TEKT3: variants seen among roughly 807,000 people sequenced by gnomAD.
TEKT3 encodes tektin-3.
TEKT3 carries 49 observed loss-of-function variants against 49.8 expected under a neutral mutation model. The observed-to-expected ratio is 0.98, with a 90% CI of 0.78 to 1.25. TEKT3 has a LOEUF of 1.25. Among genes scored for constraint, TEKT3 ranks in the 50% most tolerant of loss-of-function variants. The pLI, the probability that TEKT3 is intolerant of heterozygous loss-of-function variation, is 0.00. For missense variants in TEKT3, 595 were observed against 629.5 expected, an observed-to-expected ratio of 0.95 and a Z score of 0.59; for synonymous variants, 225 against 237.2, an observed-to-expected ratio of 0.95 and a Z score of 0.47.
chr17:15,321,356 C>G (rs2610065), intron 4 of TEKT3, among the ~76,000 whole-genome samples: 1 of 151,838 alleles, frequency 6.6e-6, no homozygotes. Flanking sequence ...ATGATGAATG[C>G]CAGATGGTTG....
At position 15,331,269 on chromosome 17, in the gene TEKT3, T is replaced by G. The variant is rs777619355; in HGVS notation, c.317A>C (p.Asn106Thr). ...PDDWYRSNLT[N>T]YQESNTSRHN... is the part of the protein sequence containing the mutation. ...TCGGGAAGTGTTGGACTCTTGATAG[T>G]TGGTTAAATTGGACCTGTACCAGTC... Residue 106 changes from asparagine (N) to threonine (T), a missense_variant, in exon 3 of 9, where the codon AAC becomes ACC. By Grantham distance (65) the Asn-to-Thr change is moderately conservative. Coordinates refer to ENST00000395930, the MANE Select transcript of TEKT3 (RefSeq NM_031898.3). The G allele has an allele frequency of 1.2e-5, 19 of 1,614,212 alleles. No homozygotes were observed. In the East Asian group the frequency reaches 4.2e-4, roughly 36 times the overall value.
intron 2 of TEKT3, among the ~76,000 whole-genome samples, chr17:15,336,801 G>C (rs1004886866): frequency 6.6e-6 from 1 of 152,138 alleles, no homozygotes; most frequent in African/African-American, 2.4e-5. Flanking sequence ...AGAATAGCCA[G>C]TTCTCAAAAT....
chr17:15,331,225 T>C lies in TEKT3; in HGVS notation c.361A>G (p.Arg121Gly). ...NTSRHNSEKLRVDTSRLIQDK... is the reference protein window; with the variant it reads ...NTSRHNSEKLGVDTSRLIQDK... ...TGAATCAGGCGAGATGTATCCACTC[T>C]TAGTTTCTCCGAATTATGTCGGGAA... Residue 121 changes from arginine (R) to glycine (G), a missense_variant, in exon 3 of 9, where the codon AGA becomes GGA. By Grantham distance (125) the Arg-to-Gly change is moderately radical. Transcript: ENST00000395930. The C allele has an allele frequency of 6.2e-7, 1 of 1,614,244 alleles. No individual in the cohort carries two copies. The highest frequency in any genetic ancestry group is 8.5e-7 in the Non-Finnish European group (1 of 1,180,040).
At chr17:15,306,470 A>G (rs1910556859) in intron 8 of TEKT3, among the ~76,000 whole-genome samples, 1 of 152,222 alleles carries the variant, frequency 6.6e-6, no homozygotes, top group East Asian at 1.9e-4. Flanking sequence ...GGTTTTGTTC[A>G]AAAGTCAGTA....
intron 2 of TEKT3, among the ~76,000 whole-genome samples, chr17:15,332,711 T>C (rs1001084062): frequency 1.3e-5 from 2 of 152,188 alleles, no homozygotes; most frequent in Non-Finnish European, 2.9e-5. Flanking sequence ...GCTATGTATT[T>C]AGAAGGATTA....
intron 8 of TEKT3, among the ~76,000 whole-genome samples, chr17:15,306,310 A>G (rs551261578): frequency 1.1e-4 from 17 of 152,162 alleles, no homozygotes; most frequent in African/African-American, 4.1e-4. Context: ...CCCTTAGTTT[A>G]TGATCTTTAT....
chr17:15,317,186 A>AG (rs776907967), intron 5 of TEKT3, among the ~76,000 whole-genome samples: 10 of 152,214 alleles, frequency 6.6e-5, no homozygotes. Flanking sequence ...TAAAGGATCA[A>AG]CAACAAAGAT....
At position 15,307,575 on chromosome 17, in the gene TEKT3, A is replaced by C. The variant is rs565394854; in HGVS notation, c.1256+1089T>G. Among the ~76,000 whole-genome samples the C allele has an allele frequency of 3.9e-5, 6 of 152,244 alleles. No homozygotes were observed. The South Asian group carries it at 1.2e-3, about 32-fold the overall frequency. On this transcript the variant is annotated intron_variant, in intron 8 of 8. Coordinates refer to ENST00000395930, the MANE Select transcript of TEKT3 (RefSeq NM_031898.3). ...TTTACTATTATTATCATCATCATCA[A>C]TGTTGGCCTCACAAGATCCCCCTTC...
At chr17:15,330,111 A>C (rs971610178) in intron 3 of TEKT3, among the ~76,000 whole-genome samples, 1 of 152,200 alleles carries the variant, frequency 6.6e-6, no homozygotes, top group Non-Finnish European at 1.5e-5. Flanking sequence ...TATTTAATCA[A>C]GCAAATTCCA....
intron 5 of TEKT3, among the ~76,000 whole-genome samples, chr17:15,315,817 C>T (rs1220666974): frequency 6.6e-6 from 1 of 152,090 alleles, no homozygotes; most frequent in African/African-American, 2.4e-5. Flanking sequence ...GACAGATAAC[C>T]AGTATTTGAA....
intron 4 of TEKT3, among the ~76,000 whole-genome samples, chr17:15,322,916 C>A (rs1408769607): frequency 6.6e-6 from 1 of 152,186 alleles, no homozygotes; most frequent in Non-Finnish European, 1.5e-5. Context: ...GAGGCATTTC[C>A]TTTCATTAGA....
In TEKT3 at chr17:15,328,009, C is replaced by A. The variant is rs1307436319; in HGVS notation, c.646G>T (p.Glu216Ter). The A allele has an allele frequency of 6.2e-7, 1 of 1,614,058 alleles. No individual in the cohort carries two copies. Among genetic ancestry groups the A allele is most frequent in the Non-Finnish European group, 8.5e-7 (1 of 1,179,960 alleles). Reference sequence around the variant, plus strand: ...ACATTTACCGTCAGCAGTTGTGCTTCAACTTCATCGTGAACTAGGTCGATT... The same window carrying A: ...ACATTTACCGTCAGCAGTTGTGCTTAAACTTCATCGTGAACTAGGTCGATT... ...MGIDLVHDEV[E>*]AQLLTEVDTI... Residue 216 changes from glutamate to a stop codon, truncating the protein, a stop_gained, in exon 4 of 9, where the codon GAA becomes TAA. Transcript: ENST00000395930. LOFTEE classifies it high-confidence loss of function.
intron 2 of TEKT3, among the ~76,000 whole-genome samples, chr17:15,335,530 C>CA (rs1735416345): frequency 6.6e-6 from 1 of 152,178 alleles, no homozygotes; most frequent in South Asian, 2.1e-4. Flanking sequence ...AATGAAGACT[C>CA]ACTCTAGCAA....
intron 4 of TEKT3, among the ~76,000 whole-genome samples, chr17:15,322,611 G>A (rs1238056810): frequency 1.3e-5 from 2 of 152,162 alleles, no homozygotes; most frequent in Non-Finnish European, 2.9e-5. Flanking sequence ...TTACTTGGAT[G>A]TCCTTGTTAA....
At chr17:15,310,212 C>G (rs537801178) in intron 7 of TEKT3, among the ~76,000 whole-genome samples, 1 of 152,222 alleles carries the variant, frequency 6.6e-6, no homozygotes, top group Non-Finnish European at 1.5e-5. Context: ...TCTTTCTGCA[C>G]CTTTCTGATG....
chr17:15,334,013 T>C (rs957833273), intron 2 of TEKT3, among the ~76,000 whole-genome samples: 1 of 152,038 alleles, frequency 6.6e-6, no homozygotes, highest in African/African-American at 2.4e-5. Context: ...TCCACCCACC[T>C]CGGCCTCTCA....
intron 3 of TEKT3, 58 bp downstream of exon 3, chr17:15,330,949 A>C (rs548727972): frequency 6.9e-7 from 1 of 1,439,622 alleles, no homozygotes; most frequent in Admixed American, 2.5e-5. Context: ...TAACCACAGT[A>C]ACTCAACCAG....
At chr17:15,308,926 C>T in intron 7 of TEKT3, 108 bp from the exon 8 acceptor site, 3 of 1,362,540 alleles carry the variant, frequency 2.2e-6, no homozygotes, top group Non-Finnish European at 3.0e-6. Flanking sequence ...CTTGACCTCG[C>T]TGATGAGGAA....
chr17:15,305,135 C>T (rs1910491419), intron 8 of TEKT3, among the ~76,000 whole-genome samples: 1 of 152,156 alleles, frequency 6.6e-6, no homozygotes, highest in South Asian at 2.1e-4. Context: ...GGTCTGAATC[C>T]ATGGGATCTA....
Sources: allele counts gnomAD v4.1 joint callset (sites outside exome capture counted in the v4.1 genomes callset), GRCh38; gene constraint gnomAD v4.1.1; transcripts MANE v1.5; gene names NCBI Gene and HGNC (gene_info 2026-07-23, HGNC 2026-07-21).